EPHA1: variants seen among roughly 807,000 people sequenced by gnomAD.
The protein encoded by EPHA1 is EPH receptor A1.
In EPHA1, 92 loss-of-function variants were observed where a neutral mutation model predicts 110.1. That is an observed-to-expected ratio of 0.84 (90% CI 0.71 to 0.99). EPHA1 has a LOEUF of 0.99. Ranked by LOEUF, EPHA1 falls within the 50% of genes least tolerant of loss-of-function variation. The pLI is 0.00. For synonymous variants in EPHA1, 500 were observed against 516.1 expected (o/e 0.97, Z 0.42); for missense variants, 1,204 against 1,285.4 (o/e 0.94, Z 0.97).
Position 143,395,341 on chromosome 7 carries a change from A to T in EPHA1, c.2061T>A (p.His687Gln). The part of the protein sequence containing the change: ...MGQFSHPHIL[H>Q]LEGVVTKRKP... ...TACGCTTTGTGACGACGCCTTCCAG[A>T]TGCAGAATATGCGGGTGGCTAAACT... The change falls in exon 12 of 18, where the codon CAT becomes CAA. Residue 687 changes from histidine (H) to glutamine (Q), a missense_variant. Transcript: ENST00000275815. This position sits in a 1 kb window ranked among gnomAD's most constrained non-coding sequence, Gnocchi z 4.7. The T allele has an allele frequency of 2.5e-6, 4 of 1,614,192 alleles. No homozygotes were observed. The highest frequency in any genetic ancestry group is 3.4e-6 in the Non-Finnish European group (4 of 1,180,036).
Position 143,393,918 on chromosome 7 carries a change from A to G in EPHA1, c.2503-54T>C. ...GAGTAGCAAGCTAACCTGGAGGCCC[A>G]TGAGAAACCGACGGTCACACAAGAT... On this transcript the variant is annotated intron_variant, in intron 15 of 17. Coordinates refer to ENST00000275815, the MANE Select transcript of EPHA1 (RefSeq NM_005232.5). The surrounding 1 kb of genome is among the most constrained non-coding windows in gnomAD (Gnocchi z 5.6). 2.0e-6 allele frequency: 3 copies of G among 1,500,322 alleles called. No homozygotes were observed. The highest frequency in any genetic ancestry group is 1.4e-5 in the South Asian group (1 of 73,802). The allele number at this position is 1,500,322 out of a possible 1,614,324, so 92.9% of individuals were successfully genotyped here. A position where few individuals can be genotyped will look rare whatever the true frequency, so the allele number is the denominator to read the frequency against.
chr7:143,399,201 CT>C, intron 5 of EPHA1, 56 bp downstream of exon 5: 4 of 1,573,704 alleles, frequency 2.5e-6, no homozygotes, highest in Non-Finnish European at 3.4e-6. Context: ...CTGACAAAGT[CT>C]CAGCAAAGAT....
chr7:143,404,313 T>G (rs1225638100), intron 2 of EPHA1, among the ~76,000 whole-genome samples: 1 of 151,838 alleles, frequency 6.6e-6, no homozygotes, highest in African/African-American at 2.4e-5. Flanking sequence ...GCCTCCAGGG[T>G]TCACGCCATT....
At position 143,395,312 on chromosome 7, in the gene EPHA1, A is replaced by C; in HGVS notation, c.2083+7T>G. 1 of 1,614,142 alleles carries C rather than the reference A, an allele frequency of 6.2e-7. No individual in the cohort carries two copies. Among genetic ancestry groups the C allele is most frequent in the Non-Finnish European group, 8.5e-7 (1 of 1,180,022 alleles). On this transcript the variant is annotated splice_region_variant and intron_variant, in intron 12 of 17. Coordinates refer to ENST00000275815, the MANE Select transcript of EPHA1 (RefSeq NM_005232.5). This position sits in a 1 kb window ranked among gnomAD's most constrained non-coding sequence, Gnocchi z 4.7. Reference sequence around the variant, plus strand: ...CGCCCCCAGCTGAGGGAGACCACTCATCGTACGCTTTGTGACGACGCCTTC... The same window carrying C: ...CGCCCCCAGCTGAGGGAGACCACTCCTCGTACGCTTTGTGACGACGCCTTC...
rs747805007 is a variant in EPHA1 at position 143,398,601 on chromosome 7, C to T, written c.1336G>A (p.Glu446Lys). The T allele has an allele frequency of 1.2e-6, 2 of 1,612,694 alleles. No individual in the cohort carries two copies. The highest frequency in any genetic ancestry group is 1.1e-5 in the South Asian group (1 of 91,028). Residue 446 changes from glutamate (E) to lysine (K), a missense_variant and splice_region_variant, in exon 6 of 18, where the codon GAG becomes AAG. By Grantham distance (56) the Glu-to-Lys change is moderately conservative (BLOSUM62 1). Coordinates refer to ENST00000275815, the MANE Select transcript of EPHA1 (RefSeq NM_005232.5). ...GTCCCAGCCCCTCTCAGCCTCTCAC[C>T]TGCATGCCCCATGCTGATGCTGACT... The part of the protein sequence containing the change: ...TSVSISMGHA[E>K]SLSGLSLRLV...
At chr7:143,402,354 C>T (rs1805446228) in intron 2 of EPHA1, among the ~76,000 whole-genome samples, 1 of 152,152 alleles carries the variant, frequency 6.6e-6, no homozygotes, top group Admixed American at 6.5e-5. Flanking sequence ...TTTGGCTGGA[C>T]TTCTTGATAC....
chr7:143,399,790 C>G lies in EPHA1; in HGVS notation c.696G>C (p.Leu232Phe). The change falls in exon 4 of 18, where the codon TTG (leucine) becomes TTC (phenylalanine). Residue 232 changes from leucine (L) to phenylalanine (F), a missense_variant. By Grantham distance (22) the Leu-to-Phe change is conservative. Coordinates refer to ENST00000275815, the MANE Select transcript of EPHA1 (RefSeq NM_005232.5). The part of the protein sequence containing the change: ...AGLVEVAGTC[L>F]PHARASPRPS... The stretch of plus-strand genomic sequence containing the variant: ...GCCTGGGGCTGGCCCGCGCGTGGGG[C>G]AAGCAGGTCCCCGCCACTTCCACCA... 1 of 1,592,334 alleles carries G rather than the reference C, an allele frequency of 6.3e-7. No homozygotes were observed. The highest frequency in any genetic ancestry group is 8.6e-7 in the Non-Finnish European group (1 of 1,169,476).
Position 143,393,789 on chromosome 7 carries a change from TCATGAGCTCATA to T in EPHA1, c.2566_2577del (p.Tyr856_Met859del), listed in dbSNP as rs1563114422. On this transcript the variant is annotated inframe_deletion, in exon 16 of 18. Coordinates refer to ENST00000275815, the MANE Select transcript of EPHA1 (RefSeq NM_005232.5). This position sits in a 1 kb window ranked among gnomAD's most constrained non-coding sequence, Gnocchi z 5.6. Reference sequence around the variant, plus strand: ...GCACGGTCATATGCCCAGCAGTTCTTCATGAGCTCATACAGAGGGGCAGGGCAGTCCACAGGA... The same window carrying T: ...GCACGGTCATATGCCCAGCAGTTCTTCAGAGGGGCAGGGCAGTCCACAGGA... 3.7e-6 allele frequency: 6 copies of T among 1,611,716 alleles called. No individual in the cohort carries two copies. The highest frequency in any genetic ancestry group is 5.1e-6 in the Non-Finnish European group (6 of 1,178,696).
At position 143,395,613 on chromosome 7, in the gene EPHA1, A is replaced by G; in HGVS notation, c.1898-109T>C. On this transcript the variant is annotated intron_variant, in intron 11 of 17. Coordinates refer to ENST00000275815, the MANE Select transcript of EPHA1 (RefSeq NM_005232.5). This position sits in a 1 kb window ranked among gnomAD's most constrained non-coding sequence, Gnocchi z 4.7. ...CCCTTTTCTTTTCTGGAGAATCAGA[A>G]GCGTGGAGTGCCCTTCCTGGGACAG... 1 of 1,198,416 alleles carries G rather than the reference A, an allele frequency of 8.3e-7. No homozygotes were observed. Among genetic ancestry groups the G allele is most frequent in the Non-Finnish European group, 1.2e-6 (1 of 865,230 alleles). 74.2% of individuals were successfully genotyped at this position (1,198,416 alleles called of 1,614,324 possible).
chr7:143,391,413 C>A lies in EPHA1; in HGVS notation c.*44G>T. The A allele has an allele frequency of 6.2e-7, 1 of 1,611,032 alleles. No homozygotes were observed. The highest frequency in any genetic ancestry group is 8.5e-7 in the Non-Finnish European group (1 of 1,178,450). On this transcript the variant is annotated 3_prime_UTR_variant, in exon 18 of 18. Coordinates refer to ENST00000275815, the MANE Select transcript of EPHA1 (RefSeq NM_005232.5). ...TGACCATGAGCGACCTTGGCCCCGT[C>A]CTTGCTCCTTGCACCCTGATTGGGC...
In EPHA1 at chr7:143,401,715, T is replaced by C. The variant is rs1228331044; in HGVS notation, c.151-110A>G. The C allele has an allele frequency of 8.9e-6, 12 of 1,351,380 alleles. No individual in the cohort carries two copies. The highest frequency in any genetic ancestry group is 1.2e-5 in the Non-Finnish European group (12 of 982,428). The allele number at this position is 1,351,380 out of a possible 1,614,324, so 83.7% of individuals were successfully genotyped here. A position where few individuals can be genotyped will look rare whatever the true frequency, so the allele number is the denominator to read the frequency against. The stretch of plus-strand genomic sequence containing the variant: ...GTGTCAGAGCCCCTCAGGTTTATGC[T>C]ACTTGTTCTGCCTCTCCCCACCCCT... On this transcript the variant is annotated intron_variant, in intron 2 of 17. Coordinates refer to ENST00000275815, the MANE Select transcript of EPHA1 (RefSeq NM_005232.5). The surrounding 1 kb of genome is among the most constrained non-coding windows in gnomAD (Gnocchi z 4.1).
At chr7:143,397,850 A>T in intron 8 of EPHA1, 70 bp downstream of exon 8, 1 of 1,591,260 alleles carries the variant, frequency 6.3e-7, no homozygotes, top group Non-Finnish European at 8.6e-7. Flanking sequence ...CACTACGTGG[A>T]ACAGGAGCTG....
At position 143,393,150 on chromosome 7, in the gene EPHA1, C is replaced by T. The variant is rs1367753821; in HGVS notation, c.2696+521G>A. Among the ~76,000 whole-genome samples, 6 of 152,164 alleles carry T rather than the reference C, an allele frequency of 3.9e-5. No individual in the cohort carries two copies. Among genetic ancestry groups the T allele is most frequent in the Non-Finnish European group, 5.9e-5 (4 of 68,028 alleles). On this transcript the variant is annotated intron_variant, in intron 16 of 17. Coordinates refer to ENST00000275815, the MANE Select transcript of EPHA1 (RefSeq NM_005232.5). The surrounding 1 kb of genome is among the most constrained non-coding windows in gnomAD (Gnocchi z 5.6). ...TGTGATCCAGAAGCCTTCCCAAACC[C>T]TGCAAGGCTGCTGCTACCTACCCCA...
chr7:143,403,129 G>A (rs1260349513), intron 2 of EPHA1, among the ~76,000 whole-genome samples: 1 of 152,220 alleles, frequency 6.6e-6, no homozygotes, highest in Middle Eastern at 3.2e-3. Flanking sequence ...CACTTTGGGA[G>A]GCCCAGGAAG....
chr7:143,403,276 C>T (rs987426265), intron 2 of EPHA1, among the ~76,000 whole-genome samples: 62 of 152,298 alleles, frequency 4.1e-4, no homozygotes, highest in African/African-American at 1.4e-3. Context: ...GAGGCTGAGG[C>T]AGGAGAATGG....
At chr7:143,396,697 C>CTCCAAGCT in intron 10 of EPHA1, 187 bp from the exon 11 acceptor site, 1 of 632,308 alleles carries the variant, frequency 1.6e-6, no homozygotes, top group Non-Finnish European at 2.6e-6. Flanking sequence ...CCTGTCTATG[C>CTCCAAGCT]TCCAAGCTCC....
chr7:143,399,852 C>T lies in EPHA1; in HGVS notation c.634G>A (p.Ala212Thr). The change falls in exon 4 of 18, where the codon GCC becomes ACC. Residue 212 changes from alanine to threonine, a missense_variant. Ala to Thr is a moderately conservative substitution (Grantham distance 58). Transcript: ENST00000275815. ...QRCPETLNGL[A>T]QFPDTLPGPA... ...CCAGGCAGAGTGTCTGGGAATTGGGCCAAGCCATTCAGGGTCTCAGGACAG... is the reference window on the plus strand; with the variant it reads ...CCAGGCAGAGTGTCTGGGAATTGGGTCAAGCCATTCAGGGTCTCAGGACAG... 6.2e-7 allele frequency: 1 copy of T among 1,606,026 alleles called. No individual in the cohort carries two copies. The highest frequency in any genetic ancestry group is 8.5e-7 in the Non-Finnish European group (1 of 1,176,116).
At position 143,395,615 on chromosome 7, in the gene EPHA1, C is replaced by T. The variant is rs373318180; in HGVS notation, c.1898-111G>A. On this transcript the variant is annotated intron_variant, in intron 11 of 17. Transcript: ENST00000275815. The surrounding 1 kb of genome is among the most constrained non-coding windows in gnomAD (Gnocchi z 4.7). ...CTTTTCTTTTCTGGAGAATCAGAAG[C>T]GTGGAGTGCCCTTCCTGGGACAGGG... 3.6e-5 allele frequency: 42 copies of T among 1,169,770 alleles called. No homozygotes were observed. Among genetic ancestry groups the T allele is most frequent in the East Asian group, 1.5e-4 (6 of 39,902 alleles). 72.5% of individuals were successfully genotyped at this position (1,169,770 alleles called of 1,614,324 possible).
At position 143,391,602 on chromosome 7, in the gene EPHA1, A is replaced by ACAGCTC. The variant is rs775662944; in HGVS notation, c.2852+12_2852+17dup. Reference sequence around the variant, plus strand: ...ACCCCCGCAGCCCTCCCCTGCCCAGACAGCTCCAGCTCCTTACTCAGCGGT... The same window carrying ACAGCTC: ...ACCCCCGCAGCCCTCCCCTGCCCAGACAGCTCCAGCTCCAGCTCCTTACTCAGCGGT... On this transcript the variant is annotated intron_variant, in intron 17 of 17. Coordinates refer to ENST00000275815, the MANE Select transcript of EPHA1 (RefSeq NM_005232.5). The ACAGCTC allele has an allele frequency of 2.3e-5, 37 of 1,614,074 alleles. 2 individuals carry two copies. The South Asian group carries it at 4.1e-4, about 18-fold the overall frequency.
Sources: gnomAD v4.1 joint callset for allele counts (sites outside exome capture counted in the v4.1 genomes callset) on GRCh38, gnomAD v4.1.1 for gene constraint, Gnocchi (gnomAD v3.1) non-coding constraint, MANE v1.5 for transcripts, NCBI Gene and HGNC (gene_info 2026-07-23, HGNC 2026-07-21) for gene names.